Variants in DUSP22 observed in about 807,000 individuals in gnomAD.
The protein encoded by DUSP22 is dual specificity phosphatase 22, also known as dual specificity protein phosphatase 22.
A neutral mutation model predicts 24.5 loss-of-function variants in DUSP22; 24 were observed. The ratio of observed to expected loss-of-function variants is 0.98; its 90% CI spans 0.71 to 1.38. The LOEUF (loss-of-function observed/expected upper bound fraction) is 1.38, where lower values mean the gene tolerates loss of function less well. DUSP22 is among the 40% of genes most tolerant of loss of function. The pLI is 0.00. For missense variants in DUSP22, 330 were observed against 269.2 expected (o/e 1.23, Z -1.58); for synonymous variants, 160 against 106.4 (o/e 1.50, Z -3.10).
intron 1 of DUSP22, among the ~76,000 whole-genome samples, chr6:293,337 G>A (rs1757181828): frequency 6.6e-6 from 1 of 152,284 alleles, no homozygotes; most frequent in Non-Finnish European, 1.5e-5. Flanking sequence ...TTGCCGGGGT[G>A]TATTCATGTG....
intron 1 of DUSP22, among the ~76,000 whole-genome samples, chr6:295,453 T>C (rs559105599): frequency 6.0e-4 from 92 of 152,350 alleles, no homozygotes; most frequent in Non-Finnish European, 1.1e-3. Flanking sequence ...GAAAAAGGCT[T>C]TTATATTCTA....
rs750239515 is a variant in DUSP22 at position 348,190 on chromosome 6, C to A, written c.351C>A (p.Thr117=). The change falls in exon 6 of 7, where the codon ACC becomes ACA. Residue 117 remains threonine, a synonymous_variant. Coordinates refer to ENST00000419235, the MANE Select transcript of DUSP22 (RefSeq NM_001286555.3). The stretch of plus-strand genomic sequence containing the variant: ...TTGGCTGGGAGGATGCCCTGCACAC[C>A]GTGCGTGCTGGGAGATCCTGTGCCA... ...TDFGWEDALH[T]VRAGRSCANP... is the part of the protein sequence containing the mutation. 6.2e-7 allele frequency: 1 copy of A among 1,614,294 alleles called. No individual in the cohort carries two copies. The highest frequency in any genetic ancestry group is 1.1e-5 in the South Asian group (1 of 91,090).
At chr6:297,872 C>T (rs1005613986) in intron 1 of DUSP22, among the ~76,000 whole-genome samples, 9 of 152,302 alleles carry the variant, frequency 5.9e-5, no homozygotes, top group African/African-American at 1.2e-4. Context: ...TGGCTGCCTG[C>T]GTAATCCAGT....
intron 3 of DUSP22, among the ~76,000 whole-genome samples, chr6:329,938 C>G (rs1759064912): frequency 6.6e-6 from 1 of 151,516 alleles, no homozygotes; most frequent in African/African-American, 2.4e-5. Context: ...TTTTCAGGGT[C>G]AGGCTTCTGG....
chr6:343,805 G>A (rs563740644), intron 4 of DUSP22, among the ~76,000 whole-genome samples: 1 of 150,404 alleles, frequency 6.6e-6, no homozygotes, highest in East Asian at 2.0e-4. Context: ...TCAGTACCTG[G>A]GTGAGTTTGT....
Position 350,642 on chromosome 6 carries a change from C to A in DUSP22, c.*1691C>A. On this transcript the variant is annotated 3_prime_UTR_variant, in exon 7 of 7. Transcript: ENST00000419235. The stretch of plus-strand genomic sequence containing the variant: ...ATCATCCATCCGTCTACAGCTAAAA[C>A]AATTTGCCAATAAAGTACATGTTTT... 1 of 1,485,952 alleles carries A rather than the reference C, an allele frequency of 6.7e-7. No homozygotes were observed. The highest frequency in any genetic ancestry group is 1.4e-5 in the South Asian group (1 of 71,684). The allele number at this position is 1,485,952 out of a possible 1,614,324, so 92.0% of individuals were successfully genotyped here.
In DUSP22 at chr6:311,980, G is replaced by A; in HGVS notation, c.138+18G>A. The A allele has an allele frequency of 6.2e-7, 1 of 1,605,236 alleles. No individual in the cohort carries two copies. The highest frequency in any genetic ancestry group is 1.7e-5 in the Admixed American group (1 of 58,776). On this transcript the variant is annotated intron_variant, in intron 3 of 6. Coordinates refer to ENST00000419235, the MANE Select transcript of DUSP22 (RefSeq NM_001286555.3). ...TGTTGGAGGTAAGAGAGCACCGTGG[G>A]GCGTGTGTGGGTGTCCTCATTTGTA...
At chr6:297,724 G>T (rs1757404757) in intron 1 of DUSP22, among the ~76,000 whole-genome samples, 1 of 152,310 alleles carries the variant, frequency 6.6e-6, no homozygotes, top group Non-Finnish European at 1.5e-5. Context: ...AGGCCTGTGT[G>T]ATCTGGAACT....
intron 4 of DUSP22, among the ~76,000 whole-genome samples, chr6:339,545 G>A (rs1365233201): frequency 6.6e-6 from 1 of 152,252 alleles, no homozygotes; most frequent in Non-Finnish European, 1.5e-5. Context: ...AGTAATTACA[G>A]ATTTTTTTTT....
intron 1 of DUSP22, among the ~76,000 whole-genome samples, chr6:302,539 C>T (rs562291256): frequency 1.8e-4 from 28 of 152,408 alleles, no homozygotes; most frequent in Admixed American, 1.8e-3. Flanking sequence ...GTCAGGTCAC[C>T]TCCACTTTCC....
chr6:304,673 C>G lies in DUSP22; in HGVS notation c.55+12C>G. 6.2e-7 allele frequency: 1 copy of G among 1,614,160 alleles called. No homozygotes were observed. Among genetic ancestry groups the G allele is most frequent in the Non-Finnish European group, 8.5e-7 (1 of 1,179,946 alleles). Reference sequence around the variant, plus strand: ...CGGCAACTTCAAAGGTGAGTTCTTGCTTTTTTATTGTTGTGATAAAATACA... The same window carrying G: ...CGGCAACTTCAAAGGTGAGTTCTTGGTTTTTTATTGTTGTGATAAAATACA... On this transcript the variant is annotated intron_variant, in intron 2 of 6. Transcript: ENST00000419235.
rs567737106 is a variant in DUSP22 at position 351,152 on chromosome 6, C to T, written c.*2201C>T. ...CCGCACTGCCTTGTGGGTGGCTTGG[C>T]GCTCGTGATTGCTTCCTGTGAACGC... is the stretch of plus-strand genomic sequence containing the variant. On this transcript the variant is annotated 3_prime_UTR_variant, in exon 7 of 7. Coordinates refer to ENST00000419235, the MANE Select transcript of DUSP22 (RefSeq NM_001286555.3). 1.9e-4 allele frequency: 96 copies of T among 509,044 alleles called. No homozygotes were observed. The highest frequency in any genetic ancestry group is 1.0e-3 in the Middle Eastern group (2 of 1,906). 31.5% of individuals were successfully genotyped at this position (509,044 alleles called of 1,614,324 possible).
At chr6:346,738 T>TC (rs1238273046) in intron 5 of DUSP22, among the ~76,000 whole-genome samples, 4 of 152,302 alleles carry the variant, frequency 2.6e-5, no homozygotes, top group Non-Finnish European at 5.9e-5. Context: ...CTTTTGACAT[T>TC]CCCCGAAACA....
Position 298,298 on chromosome 6 carries a change from C to G in DUSP22, c.21+5738C>G, listed in dbSNP as rs1234899763. On this transcript the variant is annotated intron_variant, in intron 1 of 6. Coordinates refer to ENST00000419235, the MANE Select transcript of DUSP22 (RefSeq NM_001286555.3). ...AATGTCTCTGTGACATTTAACCCTT[C>G]AAGGAATCCACCAAAGTTTTCCCCT... 3.9e-5 allele frequency among the ~76,000 whole-genome samples: 6 copies of G among 152,418 alleles called. No individual in the cohort carries two copies. The East Asian group carries it at 1.2e-3, about 29-fold the overall frequency.
chr6:328,072 TAC>T (rs1758967464), intron 3 of DUSP22, among the ~76,000 whole-genome samples: 1 of 152,304 alleles, frequency 6.6e-6, no homozygotes, highest in Admixed American at 6.5e-5. Flanking sequence ...TGGTGATACG[TAC>T]AGAGAACACT....
chr6:349,529 A>G lies in DUSP22; in HGVS notation c.*578A>G, dbSNP rs1410915800. On this transcript the variant is annotated 3_prime_UTR_variant, in exon 7 of 7. Transcript: ENST00000419235. ...GTGAGAACTCAGGGGACGAGTGGCT[A>G]AGAGCATGGCCTCTCCCAGAACCCA... 3 of 992,432 alleles carry G rather than the reference A, an allele frequency of 3.0e-6. No individual in the cohort carries two copies. Among genetic ancestry groups the G allele is most frequent in the East Asian group, 1.1e-4 (1 of 8,954 alleles). 61.5% of individuals were successfully genotyped at this position (992,432 alleles called of 1,614,324 possible).
intron 3 of DUSP22, among the ~76,000 whole-genome samples, chr6:321,412 G>A (rs1480567892): frequency 6.6e-6 from 1 of 152,308 alleles, no homozygotes; most frequent in African/African-American, 2.4e-5. Context: ...GCAGGATGTT[G>A]TCTCAAGGTT....
chr6:331,318 T>G (rs1367879840), intron 3 of DUSP22, among the ~76,000 whole-genome samples: 1 of 152,312 alleles, frequency 6.6e-6, no homozygotes, highest in Non-Finnish European at 1.5e-5. Flanking sequence ...TTTTCAAATA[T>G]TAGAGGTAGT....
chr6:319,009 T>G (rs963396564), intron 3 of DUSP22, among the ~76,000 whole-genome samples: 1 of 152,308 alleles, frequency 6.6e-6, no homozygotes, highest in Non-Finnish European at 1.5e-5. Context: ...TGTATTACAT[T>G]TATATGCATG....
Sources: gnomAD v4.1 joint callset for allele counts (sites outside exome capture counted in the v4.1 genomes callset) on GRCh38, gnomAD v4.1.1 for gene constraint, MANE v1.5 for transcripts, NCBI Gene and HGNC (gene_info 2026-07-23, HGNC 2026-07-21) for gene names.